Variants in RALYL observed in about 807,000 individuals in gnomAD.
RALYL encodes the protein RALY RNA binding protein like, also known as RNA-binding Raly-like protein.
In RALYL, 29 loss-of-function variants were observed where a neutral mutation model predicts 35.1. The ratio of observed to expected loss-of-function variants is 0.83; its 90% CI spans 0.61 to 1.13. The LOEUF is 1.13. RALYL is among the 50% of genes most tolerant of loss of function. The pLI is 0.00. For missense variants in RALYL, 359 were observed against 360.4 expected (o/e 1.00, Z 0.03); for synonymous variants, 120 against 127.6 (o/e 0.94, Z 0.40).
intron 1 of RALYL, among the ~76,000 whole-genome samples, chr8:84,399,467 G>T (rs953168606): frequency 6.6e-6 from 1 of 152,122 alleles, no homozygotes; most frequent in African/African-American, 2.4e-5. Flanking sequence ...TGAAATGGTG[G>T]ATACTGTAAC....
At chr8:84,388,167 T>A (rs549025281) in intron 1 of RALYL, among the ~76,000 whole-genome samples, 4,284 of 152,204 alleles carry the variant, frequency 0.028, 192 homozygotes, top group African/African-American at 0.097. Flanking sequence ...ACAAAGGACA[T>A]GAACTCATCC....
In RALYL at chr8:84,194,119, A is replaced by C. The variant is rs182294111; in HGVS notation, c.-24+9695A>C. 3.2e-3 allele frequency among the ~76,000 whole-genome samples: 491 copies of C among 152,318 alleles called. 3 individuals carry two copies. The highest frequency in any genetic ancestry group is 0.024 in the Middle Eastern group (7 of 294). ...GTGGAACATCGTCAAATGGTGAATAAATTTTAGAGTATGGTAAAGCATGTG... is the reference window on the plus strand; with the variant it reads ...GTGGAACATCGTCAAATGGTGAATACATTTTAGAGTATGGTAAAGCATGTG... On this transcript the variant is annotated intron_variant, in intron 1 of 8. Transcript: ENST00000521268.
intron 2 of RALYL, among the ~76,000 whole-genome samples, chr8:84,593,118 T>A (rs574518341): frequency 6.6e-6 from 1 of 152,236 alleles, no homozygotes; most frequent in South Asian, 2.1e-4. Flanking sequence ...ATCTTTTTAA[T>A]CTTTGTATAT....
At chr8:84,441,791 G>C (rs151215827) in intron 1 of RALYL, among the ~76,000 whole-genome samples, 418 of 152,084 alleles carry the variant, frequency 2.7e-3, no homozygotes, top group African/African-American at 9.7e-3. Flanking sequence ...TTCAAAATAG[G>C]GGTTTTCATT....
intron 2 of RALYL, among the ~76,000 whole-genome samples, chr8:84,633,273 A>G (rs1216058936): frequency 6.6e-6 from 1 of 151,734 alleles, no homozygotes; most frequent in African/African-American, 2.4e-5. Context: ...ATGAGATTAC[A>G]GGCTGATAAC....
chr8:84,800,921 G>T (rs1823093351), intron 3 of RALYL, among the ~76,000 whole-genome samples: 1 of 151,974 alleles, frequency 6.6e-6, no homozygotes, highest in Non-Finnish European at 1.5e-5. Context: ...GATCCACTCT[G>T]CCAGGAACAG....
At chr8:84,208,286 A>G (rs1457346624) in intron 1 of RALYL, among the ~76,000 whole-genome samples, 1 of 152,204 alleles carries the variant, frequency 6.6e-6, no homozygotes, top group Non-Finnish European at 1.5e-5. Context: ...AATTTCATTG[A>G]CAAACTACCA....
At chr8:84,712,198 T>G (rs1295970343) in intron 2 of RALYL, among the ~76,000 whole-genome samples, 1 of 152,154 alleles carries the variant, frequency 6.6e-6, no homozygotes, top group Admixed American at 6.6e-5. Flanking sequence ...AATTGAGAAA[T>G]TGTAATTTTA....
intron 1 of RALYL, among the ~76,000 whole-genome samples, chr8:84,304,658 T>G (rs1172063614): frequency 6.6e-6 from 1 of 152,184 alleles, no homozygotes; most frequent in African/African-American, 2.4e-5. Context: ...CAATCAGAGT[T>G]TTTAAAGAAA....
intron 1 of RALYL, among the ~76,000 whole-genome samples, chr8:84,455,239 T>TA (rs1174333723): frequency 6.6e-6 from 1 of 152,032 alleles, no homozygotes; most frequent in African/African-American, 2.4e-5. Flanking sequence ...AACCCTTTTT[T>TA]AAAAAAATTG....
At chr8:84,423,586 G>T (rs1296200320) in intron 1 of RALYL, among the ~76,000 whole-genome samples, 1 of 151,564 alleles carries the variant, frequency 6.6e-6, no homozygotes, top group Non-Finnish European at 1.5e-5. Context: ...ATTTGATCCT[G>T]TCATTATGAT....
intron 3 of RALYL, among the ~76,000 whole-genome samples, chr8:84,793,397 A>G (rs1821242121): frequency 6.6e-6 from 1 of 152,208 alleles, no homozygotes; most frequent in Admixed American, 6.5e-5. Context: ...ACTGCTCTTC[A>G]AAGTTCATGT....
At chr8:84,282,718 G>GTA (rs1447739879) in intron 1 of RALYL, among the ~76,000 whole-genome samples, 26 of 145,416 alleles carry the variant, frequency 1.8e-4, no homozygotes, top group African/African-American at 6.1e-4. Context: ...ATATATGTGT[G>GTA]TATATATATG....
chr8:84,578,059 A>G (rs1335368147), intron 2 of RALYL, among the ~76,000 whole-genome samples: 2 of 152,100 alleles, frequency 1.3e-5, no homozygotes, highest in Non-Finnish European at 2.9e-5. Flanking sequence ...CACTCATCTC[A>G]TGCCACCAGT....
At chr8:84,426,436 CTCTGTGTGTGTGTG>C (rs1230192524) in intron 1 of RALYL, among the ~76,000 whole-genome samples, 12 of 130,880 alleles carry the variant, frequency 9.2e-5, no homozygotes, top group Admixed American at 7.9e-4. Context: ...CTCTCTCTCT[CTCTGTGTGTGTGTG>C]TGTGTGTGTG....
intron 4 of RALYL, among the ~76,000 whole-genome samples, chr8:84,840,680 T>A (rs924302197): frequency 2.0e-5 from 3 of 151,946 alleles, no homozygotes; most frequent in African/African-American, 7.3e-5. Context: ...TTCACCAAAT[T>A]TGAAATGAAG....
chr8:84,902,296 C>T (rs960711215), intron 8 of RALYL, among the ~76,000 whole-genome samples: 23 of 152,002 alleles, frequency 1.5e-4, no homozygotes, highest in Admixed American at 2.6e-4. Flanking sequence ...AAGCTAGGTG[C>T]CACACACTTT....
chr8:84,327,561 C>A (rs1846033042), intron 1 of RALYL, among the ~76,000 whole-genome samples: 1 of 152,116 alleles, frequency 6.6e-6, no homozygotes. Flanking sequence ...ACAATCACAT[C>A]CAGTTGTTTA....
chr8:84,730,928 G>A (rs562340648), intron 2 of RALYL, among the ~76,000 whole-genome samples: 37 of 152,110 alleles, frequency 2.4e-4, no homozygotes, highest in African/African-American at 8.4e-4. Flanking sequence ...ATGGAATTTA[G>A]GTTAGTGAAT....
Sources: allele counts gnomAD v4.1 joint callset (sites outside exome capture counted in the v4.1 genomes callset), GRCh38; gene constraint gnomAD v4.1.1; transcripts MANE v1.5; gene names NCBI Gene and HGNC (gene_info 2026-07-23, HGNC 2026-07-21).